EYS: variants seen among roughly 807,000 people sequenced by gnomAD.
EYS encodes EGF-like photoreceptor maintenance factor, also known as protein eyes shut homolog.
A neutral mutation model predicts 282.1 loss-of-function variants in EYS; 250 were observed. That is an observed-to-expected ratio of 0.89 (90% CI 0.80 to 0.98). EYS has a LOEUF of 0.98. Among genes scored for constraint, EYS ranks in the 50% least tolerant of loss-of-function variants. The probability of loss-of-function intolerance (pLI) is 0.00; values close to 1 mark genes in which losing one functional copy is unlikely to be tolerated. For synonymous variants in EYS, 1,355 were observed against 1,282.9 expected (o/e 1.06, Z -1.20); for missense variants, 4,016 against 3,709.0 (o/e 1.08, Z -2.15).
At chr6:64,780,990 G>T (rs573295822) in intron 22 of EYS, among the ~76,000 whole-genome samples, 1 of 152,246 alleles carries the variant, frequency 6.6e-6, no homozygotes, top group African/African-American at 2.4e-5. Flanking sequence ...CATCACAGTT[G>T]ATTTGTAAAA....
intron 11 of EYS, among the ~76,000 whole-genome samples, chr6:65,300,174 A>C (rs1032262274): frequency 2.6e-5 from 4 of 152,036 alleles, no homozygotes; most frequent in Non-Finnish European, 5.9e-5. Context: ...TCTCAGCCTC[A>C]GTCTTTTTGT....
chr6:65,544,029 T>TGA (rs796845502), intron 2 of EYS, among the ~76,000 whole-genome samples: 2 of 131,940 alleles, frequency 1.5e-5, no homozygotes, highest in South Asian at 2.5e-4. Context: ...TGTGTGTGTG[T>TGA]GAGAGAGAGA....
At chr6:65,637,664 A>G (rs775355167) in intron 2 of EYS, among the ~76,000 whole-genome samples, 1 of 152,102 alleles carries the variant, frequency 6.6e-6, no homozygotes, top group African/African-American at 2.4e-5. Context: ...TCCAGCACCC[A>G]CTCTGGCATG....
intron 32 of EYS, among the ~76,000 whole-genome samples, chr6:64,072,101 C>T (rs1333990704): frequency 6.6e-6 from 1 of 151,806 alleles, no homozygotes; most frequent in Admixed American, 6.6e-5. Flanking sequence ...CAAAGTAATA[C>T]ATAATAATAA....
chr6:64,708,466 C>T (rs963522792), intron 22 of EYS, among the ~76,000 whole-genome samples: 2 of 152,128 alleles, frequency 1.3e-5, no homozygotes, highest in African/African-American at 4.8e-5. Flanking sequence ...CTGATCTACC[C>T]AGGTTTGATA....
In EYS at chr6:64,578,046, G is replaced by A. The variant is rs540280491; in HGVS notation, c.5644+12177C>T. On this transcript the variant is annotated intron_variant, in intron 26 of 42. Coordinates refer to ENST00000503581, the MANE Select transcript of EYS (RefSeq NM_001142800.2). ...AGCTTTCATGCTGACAGACTAGACTGAGCCATGGCCATTTCTAGCCTGGAT... is the reference window on the plus strand; with the variant it reads ...AGCTTTCATGCTGACAGACTAGACTAAGCCATGGCCATTTCTAGCCTGGAT... 1.4e-4 allele frequency among the ~76,000 whole-genome samples: 21 copies of A among 152,128 alleles called. No homozygotes were observed. The South Asian group carries it at 4.4e-3, about 32-fold the overall frequency.
intron 23 of EYS, among the ~76,000 whole-genome samples, chr6:64,620,654 A>T (rs1767418631): frequency 6.6e-6 from 1 of 152,202 alleles, no homozygotes; most frequent in South Asian, 2.1e-4. Context: ...GGTAATGGGT[A>T]AGAAATGAGA....
intron 15 of EYS, among the ~76,000 whole-genome samples, chr6:64,918,439 A>T (rs916666652): frequency 6.6e-6 from 1 of 152,146 alleles, no homozygotes; most frequent in Non-Finnish European, 1.5e-5. Context: ...AAGATATTTA[A>T]GGGTTTTTTG....
At chr6:64,159,958 A>T (rs543062276) in intron 31 of EYS, among the ~76,000 whole-genome samples, 1 of 152,364 alleles carries the variant, frequency 6.6e-6, no homozygotes, top group Admixed American at 6.5e-5. Context: ...AAAAAAGTAT[A>T]TAAAGTAGAT....
rs749829225 is a variant in EYS at position 65,493,399 on chromosome 6, A to G, written c.748+1264T>C. Among the ~76,000 whole-genome samples the G allele has an allele frequency of 3.7e-4, 57 of 152,252 alleles. No homozygotes were observed. The Middle Eastern group carries it at 0.014, about 36-fold the overall frequency. ...TTCCTCTTTTATGACCAAAATACAT[A>G]CCAATCTGCTGTTTTCGTATACTAT... On this transcript the variant is annotated intron_variant, in intron 4 of 42. Coordinates refer to ENST00000503581, the MANE Select transcript of EYS (RefSeq NM_001142800.2).
intron 31 of EYS, among the ~76,000 whole-genome samples, chr6:64,090,531 T>C (rs1428206340): frequency 6.6e-6 from 1 of 152,176 alleles, no homozygotes; most frequent in Non-Finnish European, 1.5e-5. Flanking sequence ...AGTCCATTTT[T>C]TTTGTATGAC....
At chr6:65,222,967 G>C (rs73441368) in intron 12 of EYS, among the ~76,000 whole-genome samples, 6,612 of 152,234 alleles carry the variant, frequency 0.043, 232 homozygotes, top group African/African-American at 0.094. Context: ...ACTCACAACA[G>C]AACAGCTAAA....
intron 31 of EYS, among the ~76,000 whole-genome samples, chr6:64,085,220 C>A (rs1772103374): frequency 6.6e-6 from 1 of 152,074 alleles, no homozygotes; most frequent in East Asian, 1.9e-4. Context: ...AAGTGATCCA[C>A]CTGCCTAGGC....
At chr6:64,795,868 G>T (rs1774340242) in intron 22 of EYS, among the ~76,000 whole-genome samples, 1 of 152,098 alleles carries the variant, frequency 6.6e-6, no homozygotes, top group African/African-American at 2.4e-5. Flanking sequence ...TATATGTGAG[G>T]ACCTCATCCA....
At chr6:65,344,016 C>T (rs1770296997) in intron 10 of EYS, 22 bp downstream of exon 10, 1 of 1,599,914 alleles carries the variant, frequency 6.3e-7, no homozygotes, top group African/African-American at 1.3e-5. Flanking sequence ...AAATGAAAAG[C>T]AACTACATAA....
At chr6:64,044,244 G>A (rs116168051) in intron 33 of EYS, among the ~76,000 whole-genome samples, 11 of 152,278 alleles carry the variant, frequency 7.2e-5, no homozygotes, top group African/African-American at 2.4e-4. Context: ...TACATTGAAT[G>A]GAAAGTTTGT....
At chr6:63,879,664 C>T (rs1425990335) in intron 35 of EYS, among the ~76,000 whole-genome samples, 1 of 152,138 alleles carries the variant, frequency 6.6e-6, no homozygotes, top group African/African-American at 2.4e-5. Context: ...ATCCTGGGGA[C>T]AGTTTGGTTA....
chr6:65,603,875 C>G (rs1413330317), intron 2 of EYS, among the ~76,000 whole-genome samples: 1 of 151,672 alleles, frequency 6.6e-6, no homozygotes, highest in Non-Finnish European at 1.5e-5. Context: ...TAAAACTGCT[C>G]ATGTTTTTTT....
At chr6:65,543,443 T>G (rs1768255411) in intron 2 of EYS, among the ~76,000 whole-genome samples, 1 of 148,212 alleles carries the variant, frequency 6.7e-6, no homozygotes, top group South Asian at 2.1e-4. Context: ...ACATTATATA[T>G]TATGTATACT....
Sources: allele counts gnomAD v4.1 joint callset (sites outside exome capture counted in the v4.1 genomes callset), GRCh38; gene constraint gnomAD v4.1.1; transcripts MANE v1.5; gene names NCBI Gene and HGNC (gene_info 2026-07-23, HGNC 2026-07-21).